Variants in NBEA observed in about 807,000 individuals in gnomAD.
NBEA encodes neurobeachin, also known as lysosomal-trafficking regulator 2.
A neutral mutation model predicts 343.4 loss-of-function variants in NBEA; 44 were observed. The observed-to-expected ratio is 0.13, with a 90% CI of 0.10 to 0.16. The LOEUF (loss-of-function observed/expected upper bound fraction) is 0.16, where lower values mean the gene tolerates loss of function less well. NBEA is among the 10% of genes least tolerant of loss of function. NBEA has a pLI of 1.00. For synonymous variants in NBEA, 1,175 were observed against 1,238.7 expected (o/e 0.95, Z 1.08); for missense variants, 2,555 against 3,631.3 (o/e 0.70, Z 7.62).
chr13:35,035,712 T>C (rs1212981271), intron 1 of NBEA, among the ~76,000 whole-genome samples: 2 of 152,042 alleles, frequency 1.3e-5, no homozygotes, highest in South Asian at 2.1e-4. Flanking sequence ...TGCATATATA[T>C]TGAAATTGTT....
intron 35 of NBEA, among the ~76,000 whole-genome samples, chr13:35,300,580 G>A (rs2036474371): frequency 1.3e-5 from 2 of 152,162 alleles, no homozygotes; most frequent in Admixed American, 1.3e-4. Flanking sequence ...TATTTTCAGA[G>A]TTTTAAAACT....
At chr13:35,518,101 G>A (rs1284311650) in intron 41 of NBEA, among the ~76,000 whole-genome samples, 3 of 151,824 alleles carry the variant, frequency 2.0e-5, no homozygotes, top group African/African-American at 7.3e-5. Flanking sequence ...ACTTCCCTTG[G>A]TACTTTGTTA....
intron 41 of NBEA, chr13:35,474,469 G>T (rs1372798970): frequency 1.3e-5 from 2 of 152,580 alleles, no homozygotes; most frequent in African/African-American, 4.8e-5. Flanking sequence ...CACTTTCAAA[G>T]ACAGATAAAA....
chr13:35,097,863 A>G (rs2065419163), intron 10 of NBEA, among the ~76,000 whole-genome samples: 1 of 152,082 alleles, frequency 6.6e-6, no homozygotes, highest in Non-Finnish European at 1.5e-5. Flanking sequence ...ATTTAAAAAT[A>G]GAGTTTGTTG....
chr13:35,144,508 C>T (rs1415060195), intron 18 of NBEA, among the ~76,000 whole-genome samples: 1 of 152,114 alleles, frequency 6.6e-6, no homozygotes, highest in East Asian at 1.9e-4. Context: ...GTCTTGTCAA[C>T]CCCTAGTTTC....
At chr13:35,574,410 C>A (rs200941460) in intron 45 of NBEA, among the ~76,000 whole-genome samples, 5 of 143,228 alleles carry the variant, frequency 3.5e-5, no homozygotes, top group East Asian at 2.1e-4. Context: ...AGAAAAAAAA[C>A]AAGGAAAGAA....
intron 10 of NBEA, among the ~76,000 whole-genome samples, chr13:35,071,729 T>C (rs1246504619): frequency 1.3e-5 from 2 of 152,048 alleles, no homozygotes; most frequent in Non-Finnish European, 2.9e-5. Context: ...AATGAAGATA[T>C]GAGAAAAATT....
chr13:35,488,744 AAAG>A (rs2076394364), intron 41 of NBEA, among the ~76,000 whole-genome samples: 1 of 151,920 alleles, frequency 6.6e-6, no homozygotes, highest in South Asian at 2.1e-4. Context: ...AAATTAAACC[AAAG>A]TAGTCACAAG....
chr13:35,123,721 G>GT (rs1179054353), intron 17 of NBEA, 147 bp downstream of exon 17: 3 of 394,072 alleles, frequency 7.6e-6, no homozygotes, highest in African/African-American at 4.2e-5. Flanking sequence ...TTGTAAAAAT[G>GT]TTTTATAAAA....
intron 18 of NBEA, among the ~76,000 whole-genome samples, chr13:35,144,371 T>C (rs1430499476): frequency 6.6e-6 from 1 of 152,180 alleles, no homozygotes; most frequent in East Asian, 1.9e-4. Context: ...ATTATGGTGC[T>C]GGTGAGTGTG....
intron 41 of NBEA, among the ~76,000 whole-genome samples, chr13:35,526,951 C>A (rs1435777169): frequency 6.6e-6 from 1 of 152,086 alleles, no homozygotes; most frequent in African/African-American, 2.4e-5. Flanking sequence ...CACAGAGCCC[C>A]AAAGAGAGTA....
chr13:35,311,811 G>A (rs1007238501), intron 36 of NBEA, among the ~76,000 whole-genome samples: 3 of 152,168 alleles, frequency 2.0e-5, no homozygotes, highest in Middle Eastern at 3.4e-3. Flanking sequence ...CCAAGATCGT[G>A]CCATTGCACT....
intron 34 of NBEA, among the ~76,000 whole-genome samples, chr13:35,286,876 A>G (rs2035460053): frequency 6.6e-6 from 1 of 151,974 alleles, no homozygotes; most frequent in South Asian, 2.1e-4. Context: ...TGAACCCAAA[A>G]GAACTGCCAG....
chr13:35,432,427 C>A (rs1236494732), intron 39 of NBEA, 34 bp downstream of exon 39: 2 of 1,531,722 alleles, frequency 1.3e-6, no homozygotes, highest in Non-Finnish European at 1.8e-6. Context: ...AAAAATACTT[C>A]TGGATGTGAG....
intron 38 of NBEA, among the ~76,000 whole-genome samples, chr13:35,431,096 A>G (rs554773353): frequency 1.3e-5 from 2 of 152,068 alleles, no homozygotes; most frequent in African/African-American, 2.4e-5. Flanking sequence ...CATTGAAAAA[A>G]TCCATAGCTT....
At chr13:35,401,869 T>C (rs1359028080) in intron 38 of NBEA, among the ~76,000 whole-genome samples, 1 of 152,022 alleles carries the variant, frequency 6.6e-6, no homozygotes, top group East Asian at 1.9e-4. Context: ...AGTCATGATA[T>C]ATGCCATTGT....
chr13:35,645,972 T>C, intron 50 of NBEA, 41 bp downstream of exon 50: 1 of 1,260,472 alleles, frequency 7.9e-7, no homozygotes, highest in Non-Finnish European at 1.1e-6. Context: ...TTCTTTGGTC[T>C]TTAGCTGCAT....
chr13:35,343,354 A>T (rs1340468920), intron 36 of NBEA, among the ~76,000 whole-genome samples: 1 of 152,156 alleles, frequency 6.6e-6, no homozygotes, highest in African/African-American at 2.4e-5. Flanking sequence ...AGACAAAAAA[A>T]TTCAGTGAAT....
At chr13:35,647,930 T>C (rs1055370682) in intron 51 of NBEA, among the ~76,000 whole-genome samples, 2 of 152,052 alleles carry the variant, frequency 1.3e-5, no homozygotes, top group Admixed American at 1.3e-4. Flanking sequence ...GGCTAGAATA[T>C]AGCGCCATGA....
Sources: allele counts gnomAD v4.1 joint callset (sites outside exome capture counted in the v4.1 genomes callset), GRCh38; gene constraint gnomAD v4.1.1; transcripts MANE v1.5; gene names NCBI Gene and HGNC (gene_info 2026-07-23, HGNC 2026-07-21).